VDAC1: variants seen among roughly 807,000 people sequenced by gnomAD.
The protein encoded by VDAC1 is voltage dependent anion channel 1.
In VDAC1, 10 loss-of-function variants were observed where a neutral mutation model predicts 34.7. The observed-to-expected ratio is 0.29, with a 90% confidence interval of 0.18 to 0.49. The LOEUF is 0.49. Ranked by LOEUF, VDAC1 falls within the 20% of genes least tolerant of loss-of-function variation. The pLI, the probability that VDAC1 is intolerant of heterozygous loss-of-function variation, is 0.99. For missense variants in VDAC1, 230 were observed against 347.9 expected (o/e 0.66, Z 2.69); for synonymous variants, 130 against 136.0 (o/e 0.96, Z 0.30).
the VDAC1 span, among the ~76,000 whole-genome samples, chr5:134,033,884 T>C: frequency 0.13 from 19,974 of 151,254 alleles, 1,792 homozygotes; most frequent in Middle Eastern, 0.21. Context: ...CCCAGCTACT[T>C]GGGAGGCTGA....
chr5:134,040,800 G>C, the VDAC1 span, among the ~76,000 whole-genome samples: 6 of 152,162 alleles, frequency 3.9e-5, no homozygotes, highest in Non-Finnish European at 7.3e-5. Flanking sequence ...GAACAACCCA[G>C]GCTATCCAAT....
chr5:133,993,135 A>G, intron 1 of VDAC1, 117 bp from the exon 2 acceptor site: 1 of 1,050,624 alleles, frequency 9.5e-7, no homozygotes, highest in Non-Finnish European at 1.4e-6. Flanking sequence ...CACTAAGACT[A>G]CCAGGTAGCT....
At chr5:134,057,686 T>C in the VDAC1 span, among the ~76,000 whole-genome samples, 324 of 144,408 alleles carry the variant, frequency 2.2e-3, no homozygotes, top group Admixed American at 4.3e-3. Flanking sequence ...CGAAACTCCA[T>C]CTGAAAAAAA....
At chr5:134,057,807 C>T in the VDAC1 span, among the ~76,000 whole-genome samples, 2 of 152,062 alleles carry the variant, frequency 1.3e-5, no homozygotes, top group African/African-American at 4.8e-5. Context: ...TCCCTACATT[C>T]GCTTCAACAC....
At chr5:134,036,245 C>G in the VDAC1 span, among the ~76,000 whole-genome samples, 10 of 152,060 alleles carry the variant, frequency 6.6e-5, no homozygotes, top group East Asian at 1.9e-3. Flanking sequence ...GTTAATAACA[C>G]CTGAAAGGAG....
chr5:134,016,100 A>C, the VDAC1 span, among the ~76,000 whole-genome samples: 3 of 152,154 alleles, frequency 2.0e-5, no homozygotes, highest in African/African-American at 7.2e-5. Flanking sequence ...CCAACTTTTA[A>C]AGGAGGCCTC....
In VDAC1 at chr5:133,997,822, G is replaced by A. The variant is rs530243067; in HGVS notation, c.-6-4804C>T. ...CTCATGCCTGTAATCCCAGCACTTT[G>A]GGAGGCCGAGGTGGGCGGGTCACCT... On this transcript the variant is annotated intron_variant, in intron 1 of 8. Coordinates refer to ENST00000265333, the MANE Select transcript of VDAC1 (RefSeq NM_003374.3). 5.7e-4 allele frequency among the ~76,000 whole-genome samples: 86 copies of A among 152,144 alleles called. 2 individuals are homozygous for A. The South Asian group carries it at 0.017, about 31-fold the overall frequency.
In VDAC1 at chr5:133,980,927, T is replaced by C. The variant is rs1237336790; in HGVS notation, c.353A>G (p.Tyr118Cys). The change falls in exon 6 of 9, where the codon TAC (tyrosine) becomes TGC (cysteine). Residue 118 changes from tyrosine (Y) to cysteine (C), a missense_variant. Physicochemically the swap from Tyr to Cys is radical, Grantham distance 194. Transcript: ENST00000265333. ...GKKNAKIKTG[Y>C]KREHINLGCD... is the part of the protein sequence containing the mutation. ...GCCCAGGTTAATGTGCTCCCGCTTG[T>C]ACCCTGTCTTGATTTTAGCATTTTT... The C allele has an allele frequency of 1.2e-6, 2 of 1,613,918 alleles. No homozygotes were observed. The highest frequency in any genetic ancestry group is 2.7e-5 in the African/African-American group (2 of 74,868).
chr5:134,093,632 C>G, the VDAC1 span, among the ~76,000 whole-genome samples: 1 of 152,174 alleles, frequency 6.6e-6, no homozygotes, highest in East Asian at 1.9e-4. Context: ...TTCAGATGTG[C>G]ACTGGTGTCA....
the VDAC1 span, among the ~76,000 whole-genome samples, chr5:134,068,873 C>T: frequency 2.0e-5 from 3 of 151,846 alleles, no homozygotes; most frequent in African/African-American, 4.8e-5. Context: ...CTTCTTTTCT[C>T]ATTTCTTTTC....
chr5:134,045,729 G>A, the VDAC1 span, among the ~76,000 whole-genome samples: 2 of 151,482 alleles, frequency 1.3e-5, no homozygotes, highest in African/African-American at 4.9e-5. Context: ...AGGCTGAAGT[G>A]CAATGGTGCG....
chr5:133,990,866 T>C lies in VDAC1; in HGVS notation c.312A>G (p.Ser104=). 1 of 1,558,890 alleles carries C rather than the reference T, an allele frequency of 6.4e-7. No individual in the cohort carries two copies. The highest frequency in any genetic ancestry group is 8.7e-7 in the Non-Finnish European group (1 of 1,151,430). The change falls in exon 5 of 9, where the codon TCA becomes TCG. Residue 104 remains serine (S), a synonymous_variant. Transcript: ENST00000265333. The stretch of plus-strand genomic sequence containing the variant: ...GATGAAACTCTTACCCAGTGTTAGG[T>C]GAGAAGGATGAATCGAAGGTCAGCT... ...GLKLTFDSSF[S]PNTGKKNAKI...
chr5:134,040,604 G>T, the VDAC1 span, among the ~76,000 whole-genome samples: 1 of 152,144 alleles, frequency 6.6e-6, no homozygotes, highest in African/African-American at 2.4e-5. Flanking sequence ...TGGGCATGGT[G>T]CCACGTGCCT....
the VDAC1 span, among the ~76,000 whole-genome samples, chr5:134,033,360 G>A: frequency 1.3e-5 from 2 of 151,572 alleles, no homozygotes; most frequent in Non-Finnish European, 2.9e-5. Context: ...GTTTCACCAC[G>A]TTGGCCAGGA....
chr5:133,999,779 A>G (rs1561599219), intron 1 of VDAC1, among the ~76,000 whole-genome samples: 1 of 152,174 alleles, frequency 6.6e-6, no homozygotes, highest in African/African-American at 2.4e-5. Context: ...ACCAAGTGTA[A>G]GTGTGCACCA....
chr5:134,112,276 C>T, the VDAC1 span, among the ~76,000 whole-genome samples: 1 of 152,238 alleles, frequency 6.6e-6, no homozygotes, highest in African/African-American at 2.4e-5. Context: ...ACTACTCTAG[C>T]ACCTAAATCG....
At chr5:134,075,874 C>T in the VDAC1 span, among the ~76,000 whole-genome samples, 18 of 152,268 alleles carry the variant, frequency 1.2e-4, no homozygotes, top group East Asian at 5.8e-4. Context: ...CGTGAGCCAC[C>T]GTGCCCGGCC....
At chr5:134,005,122 C>T (rs1016070045), upstream of VDAC1, 2 of 152,184 alleles carry the variant, frequency 1.3e-5, no homozygotes, top group Non-Finnish European at 2.9e-5. Flanking sequence ...GCCCGGAGGT[C>T]CCTGCGCTAA....
chr5:134,087,163 C>T, the VDAC1 span, among the ~76,000 whole-genome samples: 4 of 152,130 alleles, frequency 2.6e-5, no homozygotes, highest in African/African-American at 7.2e-5. Flanking sequence ...GGGCGCACAC[C>T]GGGCCTTGTG....
Sources: allele counts gnomAD v4.1 joint callset (sites outside exome capture counted in the v4.1 genomes callset), GRCh38; gene constraint gnomAD v4.1.1; transcripts MANE v1.5; gene names NCBI Gene and HGNC (gene_info 2026-07-23, HGNC 2026-07-21).